Variants in PCDHGB4 observed in about 807,000 individuals in gnomAD.
PCDHGB4 encodes the protein protocadherin gamma-B4.
PCDHGB4 carries 38 observed loss-of-function variants against 60.5 expected under a neutral mutation model. The observed-to-expected ratio is 0.63, with a 90% CI of 0.48 to 0.82. The LOEUF is 0.82. Among genes scored for constraint, PCDHGB4 ranks in the 40% least tolerant of loss-of-function variants. PCDHGB4 has a pLI of 0.00. For missense variants in PCDHGB4, 1,109 were observed against 1,209.6 expected, an observed-to-expected ratio of 0.92 and a Z score of 1.23; for synonymous variants, 456 against 509.7, an observed-to-expected ratio of 0.89 and a Z score of 1.42.
chr5:141,476,158 G>A lies in PCDHGB4; in HGVS notation c.2398-18649G>A. 2 of 1,612,868 alleles carry A rather than the reference G, an allele frequency of 1.2e-6. No homozygotes were observed. Among genetic ancestry groups the A allele is most frequent in the Non-Finnish European group, 1.7e-6 (2 of 1,179,894 alleles). On this transcript the variant is annotated intron_variant, in intron 1 of 3. Transcript: ENST00000519479. The surrounding 1 kb of genome is among the most constrained non-coding windows in gnomAD (Gnocchi z 7.6). ...GGAGGAGCGGACTGGTAAGCACCGGGAGGGTAGTGGGAGTTTTGCTTCTGC... is the reference window on the plus strand; with the variant it reads ...GGAGGAGCGGACTGGTAAGCACCGGAAGGGTAGTGGGAGTTTTGCTTCTGC...
At chr5:141,498,919 C>A (rs897611505) in intron 2 of PCDHGB4, among the ~76,000 whole-genome samples, 1 of 122,240 alleles carries the variant, frequency 8.2e-6, no homozygotes. Context: ...GGTGACAGAG[C>A]GAGACTCCAT....
chr5:141,435,603 T>C (rs1195458514), intron 1 of PCDHGB4, among the ~76,000 whole-genome samples: 1 of 152,218 alleles, frequency 6.6e-6, no homozygotes, highest in African/African-American at 2.4e-5. Flanking sequence ...GCCTGCTTTT[T>C]ACATTAAATT....
rs150878327 is a variant in PCDHGB4 at position 141,438,347 on chromosome 5, C to A, written c.2397+48066C>A. On this transcript the variant is annotated intron_variant, in intron 1 of 3. Coordinates refer to ENST00000519479, the MANE Select transcript of PCDHGB4 (RefSeq NM_003736.4). ...CTTATACATGTCATATAAGGATCTACTCTGTGTATTGTCATTGAGGGCAGA... is the reference window on the plus strand; with the variant it reads ...CTTATACATGTCATATAAGGATCTAATCTGTGTATTGTCATTGAGGGCAGA... Among the ~76,000 whole-genome samples the A allele has an allele frequency of 3.9e-3, 588 of 151,848 alleles. 6 individuals are homozygous for A. Among genetic ancestry groups the A allele is most frequent in the Admixed American group, 0.011 (169 of 15,256 alleles).
Position 141,485,113 on chromosome 5 carries a change from T to G in PCDHGB4, c.2398-9694T>G. On this transcript the variant is annotated intron_variant, in intron 1 of 3. Transcript: ENST00000519479. This position sits in a 1 kb window ranked among gnomAD's most constrained non-coding sequence, Gnocchi z 5.7. ...AGGTGTCTCCAGCTGCTGTGGCTGTTTGGGGCGGGTCGGCTTCATCCGCGT... is the reference window on the plus strand; with the variant it reads ...AGGTGTCTCCAGCTGCTGTGGCTGTGTGGGGCGGGTCGGCTTCATCCGCGT... 1 of 1,286,014 alleles carries G rather than the reference T, an allele frequency of 7.8e-7. No individual in the cohort carries two copies. Among genetic ancestry groups the G allele is most frequent in the Non-Finnish European group, 1.1e-6 (1 of 898,642 alleles). 79.7% of individuals were successfully genotyped at this position (1,286,014 alleles called of 1,614,324 possible). A position where few individuals can be genotyped will look rare whatever the true frequency, so the allele number is the denominator to read the frequency against.
chr5:141,404,513 G>C, intron 1 of PCDHGB4: 2 of 1,613,786 alleles, frequency 1.2e-6, no homozygotes, highest in Non-Finnish European at 8.5e-7. Context: ...GTGCTCCTTT[G>C]ACTATGAGCA....
intron 1 of PCDHGB4, among the ~76,000 whole-genome samples, chr5:141,471,928 G>A (rs1328213264): frequency 6.6e-6 from 1 of 152,152 alleles, no homozygotes; most frequent in African/African-American, 2.4e-5. Context: ...TTTTGGGGGT[G>A]ATGAGAGTTT....
chr5:141,466,928 T>TTAG (rs1231908662), intron 1 of PCDHGB4, among the ~76,000 whole-genome samples: 1 of 152,220 alleles, frequency 6.6e-6, no homozygotes, highest in Non-Finnish European at 1.5e-5. Context: ...ATTAGGAATA[T>TTAG]TAGTCCTTTG....
chr5:141,400,507 A>G (rs1158150708), intron 1 of PCDHGB4: 1 of 1,613,864 alleles, frequency 6.2e-7, no homozygotes, highest in Non-Finnish European at 8.5e-7. Context: ...CAGCGAGTCG[A>G]CTTCCCATCC....
At position 141,486,408 on chromosome 5, in the gene PCDHGB4, C is replaced by G; in HGVS notation, c.2398-8399C>G. The G allele has an allele frequency of 1.2e-6, 2 of 1,614,156 alleles. No homozygotes were observed. The highest frequency in any genetic ancestry group is 1.7e-6 in the Non-Finnish European group (2 of 1,180,014). Reference sequence around the variant, plus strand: ...CAGTTCTCCCTGGTGACTGCTGGACCCTTGGATCGAGAGGCCAAATCTAGC... The same window carrying G: ...CAGTTCTCCCTGGTGACTGCTGGACGCTTGGATCGAGAGGCCAAATCTAGC... On this transcript the variant is annotated intron_variant, in intron 1 of 3. Transcript: ENST00000519479. This position sits in a 1 kb window ranked among gnomAD's most constrained non-coding sequence, Gnocchi z 5.0.
At position 141,491,410 on chromosome 5, in the gene PCDHGB4, G is replaced by A. The variant is rs777207581; in HGVS notation, c.2398-3397G>A. The A allele has an allele frequency of 1.9e-6, 3 of 1,614,024 alleles. No homozygotes were observed. Among genetic ancestry groups the A allele is most frequent in the Admixed American group, 1.7e-5 (1 of 60,006 alleles). ...GTGCCTTCAGGGAAACGCAGACGGGGACGGGGGTGGAGGGCAGTGCTGCAG... is the reference window on the plus strand; with the variant it reads ...GTGCCTTCAGGGAAACGCAGACGGGAACGGGGGTGGAGGGCAGTGCTGCAG... On this transcript the variant is annotated intron_variant, in intron 1 of 3. Transcript: ENST00000519479. The surrounding 1 kb of genome is among the most constrained non-coding windows in gnomAD (Gnocchi z 6.9).
chr5:141,505,528 C>T (rs746609783), intron 3 of PCDHGB4, 47 bp downstream of exon 3: 4 of 1,612,320 alleles, frequency 2.5e-6, no homozygotes, highest in Non-Finnish European at 3.4e-6. Context: ...ACCTGGGGTT[C>T]TGGGGTGCAT....
chr5:141,488,714 A>G (rs2099678684), intron 1 of PCDHGB4, among the ~76,000 whole-genome samples: 1 of 152,192 alleles, frequency 6.6e-6, no homozygotes, highest in Non-Finnish European at 1.5e-5. Flanking sequence ...TGGTTCAAGC[A>G]AAGTGGTGGA....
intron 1 of PCDHGB4, among the ~76,000 whole-genome samples, chr5:141,456,690 C>T (rs893478646): frequency 7.2e-5 from 11 of 152,218 alleles, no homozygotes; most frequent in Admixed American, 5.2e-4. Flanking sequence ...ACTGGCCAGG[C>T]GTGGTGGCTC....
rs144018757 is a variant in PCDHGB4, at chr5:141,443,001, A to G, written c.2398-51806A>G. On this transcript the variant is annotated intron_variant, in intron 1 of 3. Transcript: ENST00000519479. ...GTTAGCCTATAATTTCAGTAAATCTAAGAATATGACTAATGGAAGTTGCCA... is the reference window on the plus strand; with the variant it reads ...GTTAGCCTATAATTTCAGTAAATCTGAGAATATGACTAATGGAAGTTGCCA... Among the ~76,000 whole-genome samples the G allele has an allele frequency of 1.3e-3, 194 of 152,312 alleles. 1 individual carries two copies. The East Asian group carries it at 0.032, about 25-fold the overall frequency.
chr5:141,433,592 T>C (rs1043652093), intron 1 of PCDHGB4, among the ~76,000 whole-genome samples: 5 of 152,020 alleles, frequency 3.3e-5, no homozygotes, highest in Non-Finnish European at 7.4e-5. Context: ...TCCCAGTACT[T>C]TGGGAGGCCG....
At chr5:141,419,331 T>G (rs2096361475) in intron 1 of PCDHGB4, 2 of 1,613,840 alleles carry the variant, frequency 1.2e-6, no homozygotes, top group Non-Finnish European at 8.5e-7. Flanking sequence ...TCCTACTCTC[T>G]CATTGCCAGC....
intron 1 of PCDHGB4, chr5:141,478,485 G>C (rs2099459345): frequency 1.2e-6 from 2 of 1,613,204 alleles, no homozygotes; most frequent in East Asian, 4.5e-5. Flanking sequence ...AACACGCTGC[G>C]GAGCTGTGAT....
Position 141,511,040 on chromosome 5 carries a change from C to T in PCDHGB4, c.2639C>T (p.Pro880Leu), listed in dbSNP as rs770767470. The T allele has an allele frequency of 6.2e-7, 1 of 1,614,216 alleles. No individual in the cohort carries two copies. The highest frequency in any genetic ancestry group is 1.7e-5 in the Admixed American group (1 of 60,034). Reference protein sequence around the residue: ...YGPQFTLQHVPDYRQNVYIPG... With the variant: ...YGPQFTLQHVLDYRQNVYIPG... ...CCCCAGTTCACCCTGCAGCACGTGC[C>T]CGACTACCGCCAGAATGTCTACATC... Residue 880 changes from proline (P) to leucine (L), a missense_variant, in exon 4 of 4, where the codon CCC becomes CTC. Physicochemically the swap from Pro to Leu is moderately conservative, Grantham distance 98. Transcript: ENST00000519479.
At chr5:141,407,124 T>C (rs1409043654) in intron 1 of PCDHGB4, among the ~76,000 whole-genome samples, 1 of 152,242 alleles carries the variant, frequency 6.6e-6, no homozygotes, top group Non-Finnish European at 1.5e-5. Flanking sequence ...TTTCAGTTGC[T>C]TTATTTTTAA....
Sources: gnomAD v4.1 joint callset for allele counts (sites outside exome capture counted in the v4.1 genomes callset) on GRCh38, gnomAD v4.1.1 for gene constraint, Gnocchi (gnomAD v3.1) non-coding constraint, MANE v1.5 for transcripts, NCBI Gene and HGNC (gene_info 2026-07-23, HGNC 2026-07-21) for gene names.